The following KCNA2 variants were observed in gnomAD, a reference collection of about 807,000 sequenced individuals.
KCNA2 encodes potassium channel, voltage gated shaker related subfamily A, member 2.
A neutral mutation model predicts 33.4 loss-of-function variants in KCNA2; 11 were observed. That is an observed-to-expected ratio of 0.33 (90% confidence interval 0.21 to 0.55). KCNA2 has a LOEUF of 0.55. KCNA2 is among the 20% of genes least tolerant of loss of function. The pLI is 0.93. For missense variants in KCNA2, 291 were observed against 621.6 expected, an observed-to-expected ratio of 0.47 and a Z score of 5.66; for synonymous variants, 222 against 231.3, an observed-to-expected ratio of 0.96 and a Z score of 0.37.
At chr1:110,611,841 G>A (rs1177859779) in intron 1 of KCNA2, among the ~76,000 whole-genome samples, 3 of 151,864 alleles carry the variant, frequency 2.0e-5, no homozygotes, top group African/African-American at 7.3e-5. Flanking sequence ...TGGGCAACAC[G>A]GTGAAACTCC....
intron 1 of KCNA2, among the ~76,000 whole-genome samples, chr1:110,616,788 C>T (rs565487660): frequency 1.8e-4 from 28 of 152,326 alleles, no homozygotes; most frequent in African/African-American, 5.5e-4. Flanking sequence ...AACCAGGCAT[C>T]GAGCCAAGCA....
chr1:110,607,966 G>A (rs12411235), upstream of KCNA2: 33,786 of 152,428 alleles, frequency 0.22, 6,084 homozygotes, highest in African/African-American at 0.48. Flanking sequence ...CGCCCCCACC[G>A]AGAGGAGCCG....
At chr1:110,607,920 C>T (rs920733906), upstream of KCNA2, 2 of 152,314 alleles carry the variant, frequency 1.3e-5, no homozygotes, top group Non-Finnish European at 2.9e-5. Context: ...GCAGCAGGTG[C>T]GGTCCGCAGT....
chr1:110,612,288 C>T (rs960910428), intron 1 of KCNA2, among the ~76,000 whole-genome samples: 30 of 152,252 alleles, frequency 2.0e-4, no homozygotes, highest in Middle Eastern at 3.4e-3. Flanking sequence ...CTTACACAAA[C>T]GTAGATGGCA....
chr1:110,593,960 A>T lies in KCNA2; in HGVS notation c.*9323T>A, dbSNP rs1213399390. ...TTTCAAGAAGCAAACAAATAGTTAA[A>T]TGACTCCCAACTCCCATGAGTCTTC... is the stretch of plus-strand genomic sequence containing the variant. On this transcript the variant is annotated 3_prime_UTR_variant, in exon 3 of 3. Coordinates refer to ENST00000316361, the MANE Select transcript of KCNA2 (RefSeq NM_004974.4). 1 of 1,549,642 alleles carries T rather than the reference A, an allele frequency of 6.5e-7. No homozygotes were observed. The highest frequency in any genetic ancestry group is 2.4e-5 in the East Asian group (1 of 40,830).
chr1:110,595,491 C>G lies in KCNA2; in HGVS notation c.*7792G>C. 1 of 985,416 alleles carries G rather than the reference C, an allele frequency of 1.0e-6. No individual in the cohort carries two copies. Among genetic ancestry groups the G allele is most frequent in the Non-Finnish European group, 1.2e-6 (1 of 829,970 alleles). 61.0% of individuals were successfully genotyped at this position (985,416 alleles called of 1,614,324 possible). ...TGGGGAGATGGCAGACACCCCTGCA[C>G]CACTTCAATTGCTCCAGATACAGTG... On this transcript the variant is annotated 3_prime_UTR_variant, in exon 3 of 3. Coordinates refer to ENST00000316361, the MANE Select transcript of KCNA2 (RefSeq NM_004974.4).
At position 110,603,390 on chromosome 1, in the gene KCNA2, C is replaced by T; in HGVS notation, c.1393G>A (p.Val465Ile). The stretch of plus-strand genomic sequence containing the variant: ...CTAAAGTCCTCATTACTGTTATTTA[C>T]ACCCTCCTGGATCTCCATGTAATCA... ...KSDYMEIQEG[V>I]NNSNEDFREE... is the part of the protein sequence containing the mutation. The change falls in exon 3 of 3, where the codon GTA becomes ATA. Residue 465 changes from valine (V) to isoleucine (I), a missense_variant. By Grantham distance (29) the Val-to-Ile change is conservative. Around this residue, in one of 5 missense-constraint regions of KCNA2, gnomAD observed 65 missense variants for 95.1 expected, o/e 0.68. Transcript: ENST00000316361. This position sits in a 1 kb window ranked among gnomAD's most constrained non-coding sequence, Gnocchi z 5.7. 1 of 1,614,218 alleles carries T rather than the reference C, an allele frequency of 6.2e-7. No individual in the cohort carries two copies.
intron 1 of KCNA2, among the ~76,000 whole-genome samples, chr1:110,620,391 A>T (rs1164412815): frequency 6.6e-6 from 1 of 151,754 alleles, no homozygotes; most frequent in Non-Finnish European, 1.5e-5. Context: ...GTCTACTGTG[A>T]TTGGTGGGAA....
At chr1:110,616,184 A>T (rs982766234) in intron 1 of KCNA2, among the ~76,000 whole-genome samples, 2 of 151,994 alleles carry the variant, frequency 1.3e-5, no homozygotes, top group Non-Finnish European at 2.9e-5. Flanking sequence ...TAAATCAGGG[A>T]CTCTGTAACC....
Position 110,604,427 on chromosome 1 carries a change from C to T in KCNA2, c.356G>A (p.Gly119Glu). ...FSEEIRFYEL[G>E]EEAMEMFRED... ...CCGAAACATCTCCATCGCTTCTTCTCCCAGCTCATAAAACCGAATTTCTTC... is the reference window on the plus strand; with the variant it reads ...CCGAAACATCTCCATCGCTTCTTCTTCCAGCTCATAAAACCGAATTTCTTC... The change falls in exon 3 of 3, where the codon GGA becomes GAA. Residue 119 changes from glycine (G) to glutamate (E), a missense_variant. This residue lies in a region of KCNA2 where 163 missense variants were observed against 273.5 expected (regional missense o/e 0.60). Transcript: ENST00000316361. This position sits in a 1 kb window ranked among gnomAD's most constrained non-coding sequence, Gnocchi z 7.6. 6.2e-7 allele frequency: 1 copy of T among 1,614,194 alleles called. No individual in the cohort carries two copies. The highest frequency in any genetic ancestry group is 8.5e-7 in the Non-Finnish European group (1 of 1,180,050).
upstream of KCNA2, among the ~76,000 whole-genome samples, chr1:110,608,478 C>T (rs948322672): frequency 6.6e-6 from 1 of 152,218 alleles, no homozygotes; most frequent in Non-Finnish European, 1.5e-5. Flanking sequence ...AAACCCTCCT[C>T]TCTATGCGTG....
intron 1 of KCNA2, among the ~76,000 whole-genome samples, chr1:110,627,130 C>G (rs1051515122): frequency 6.6e-6 from 1 of 152,184 alleles, no homozygotes; most frequent in East Asian, 1.9e-4. Context: ...TGCAGCACCA[C>G]GACCAAAACC....
At position 110,604,039 on chromosome 1, in the gene KCNA2, G is replaced by A. The variant is rs770861576; in HGVS notation, c.744C>T (p.Ala248=). Residue 248 remains alanine (A), a synonymous_variant, in exon 3 of 3, where the codon GCC becomes GCT. Coordinates refer to ENST00000316361, the MANE Select transcript of KCNA2 (RefSeq NM_004974.4). The surrounding 1 kb of genome is among the most constrained non-coding windows in gnomAD (Gnocchi z 7.6). ...TGTTCATGATGTTGGTGAAGAAGCC[G>A]GCTTTGCTGGGACAGGCAAAGAACC... is the stretch of plus-strand genomic sequence containing the variant. ...LVRFFACPSK[A]GFFTNIMNII... 1.3e-5 allele frequency: 21 copies of A among 1,614,174 alleles called. No individual in the cohort carries two copies. Among genetic ancestry groups the A allele is most frequent in the Middle Eastern group, 1.6e-4 (1 of 6,062 alleles).
intron 1 of KCNA2, among the ~76,000 whole-genome samples, chr1:110,616,619 G>A (rs1168203228): frequency 6.6e-6 from 1 of 152,234 alleles, no homozygotes. Flanking sequence ...TATGTGAGAA[G>A]GATAATTCCT....
At position 110,597,460 on chromosome 1, in the gene KCNA2, C is replaced by T; in HGVS notation, c.*5823G>A. 1.0e-6 allele frequency: 1 copy of T among 985,396 alleles called. No individual in the cohort carries two copies. Among genetic ancestry groups the T allele is most frequent in the Non-Finnish European group, 1.2e-6 (1 of 829,928 alleles). The allele number at this position is 985,396 out of a possible 1,614,324, so 61.0% of individuals were successfully genotyped here. A position where few individuals can be genotyped will look rare whatever the true frequency, so the allele number is the denominator to read the frequency against. On this transcript the variant is annotated 3_prime_UTR_variant, in exon 3 of 3. Transcript: ENST00000316361. ...AGGTTGTAAGGATGCTGTATGACAG[C>T]AGGCAGAAATGGGGAGACAGAGGGA...
chr1:110,596,350 T>TAC lies in KCNA2; in HGVS notation c.*6931_*6932dup, dbSNP rs199748359. 558 of 363,088 alleles carry TAC rather than the reference T, an allele frequency of 1.5e-3. 4 individuals carry two copies. Among genetic ancestry groups the TAC allele is most frequent in the African/African-American group, 7.4e-3 (335 of 45,008 alleles). The allele number at this position is 363,088 out of a possible 1,614,324, so 22.5% of individuals were successfully genotyped here. ...TATACATATACTATATATATATATATACACACATAAATATATGTATATATG... is the reference window on the plus strand; with the variant it reads ...TATACATATACTATATATATATATATACACACACATAAATATATGTATATATG... On this transcript the variant is annotated 3_prime_UTR_variant, in exon 3 of 3. Coordinates refer to ENST00000316361, the MANE Select transcript of KCNA2 (RefSeq NM_004974.4).
intron 1 of KCNA2, among the ~76,000 whole-genome samples, chr1:110,621,565 T>G (rs1307691640): frequency 6.6e-6 from 1 of 152,060 alleles, no homozygotes; most frequent in South Asian, 2.1e-4. Flanking sequence ...AAACTGGTAC[T>G]TTAAGAAGAT....
At chr1:110,606,183 C>G (rs1649594542) in intron 1 of KCNA2, 45 bp downstream of exon 1, 1 of 152,758 alleles carries the variant, frequency 6.5e-6, no homozygotes, top group Admixed American at 6.5e-5. Context: ...CTAGGGAGAC[C>G]CCACACAACA....
chr1:110,611,018 G>GAGGAAAGA (rs1649848342), upstream of KCNA2, among the ~76,000 whole-genome samples: 2 of 144,142 alleles, frequency 1.4e-5, no homozygotes, highest in South Asian at 4.7e-4. Flanking sequence ...AAGACAGAAT[G>GAGGAAAGA]AGGAAGGAAG....
Sources: gnomAD v4.1 joint callset for allele counts (sites outside exome capture counted in the v4.1 genomes callset) on GRCh38, gnomAD v4.1.1 for gene constraint, gnomAD v4.1.1 regional missense constraint, Gnocchi (gnomAD v3.1) non-coding constraint, MANE v1.5 for transcripts, NCBI Gene and HGNC (gene_info 2026-07-23, HGNC 2026-07-21) for gene names.